FGFR2: variants seen among roughly 807,000 people sequenced by gnomAD.
FGFR2 encodes fibroblast growth factor receptor 2.
FGFR2 carries 19 observed loss-of-function variants against 95.9 expected under a neutral mutation model. The ratio of observed to expected loss-of-function variants is 0.20; its 90% CI spans 0.14 to 0.29. FGFR2 has a LOEUF of 0.29. Among genes scored for constraint, FGFR2 ranks in the 10% least tolerant of loss-of-function variants. The pLI, the probability that FGFR2 is intolerant of heterozygous loss-of-function variation, is 1.00. For synonymous variants in FGFR2, 392 were observed against 393.3 expected (o/e 1.00, Z 0.04); for missense variants, 707 against 1,056.9 (o/e 0.67, Z 4.59).
chr10:121,571,354 A>G (rs760412028), intron 2 of FGFR2, among the ~76,000 whole-genome samples: 1 of 119,506 alleles, frequency 8.4e-6, no homozygotes, highest in Non-Finnish European at 1.6e-5. Context: ...GCTGGAGTGC[A>G]GTGGTGCGAT....
At chr10:121,594,812 G>T (rs1326665033) in intron 1 of FGFR2, among the ~76,000 whole-genome samples, 1 of 152,180 alleles carries the variant, frequency 6.6e-6, no homozygotes, top group East Asian at 1.9e-4. Flanking sequence ...TATTAATAAT[G>T]ATGATGTAAA....
intron 4 of FGFR2, among the ~76,000 whole-genome samples, chr10:121,555,098 G>A (rs1855945284): frequency 6.6e-6 from 1 of 152,196 alleles, no homozygotes; most frequent in South Asian, 2.1e-4. Flanking sequence ...TGCAGGCCAG[G>A]CGCGGTGGCT....
In FGFR2 at chr10:121,479,908, G is replaced by GT; in HGVS notation, c.2414dup (p.Tyr805Ter). Residue 805 changes from tyrosine to a stop codon, truncating the protein, a stop_gained and frameshift_variant, in exon 18 of 18, where the codon TAC becomes TAAC. Transcript: ENST00000358487. LOFTEE classifies it high-confidence loss of function. ...DSVFSPDPMP[Y>*]EPCLPQYPHI... ...GTGGATACTGAGGAAGGCATGGTTC[G>GT]TAAGGCATGGGGTCTGGAGAAAAAA... The GT allele has an allele frequency of 6.2e-7, 1 of 1,614,106 alleles. No individual in the cohort carries two copies. Among genetic ancestry groups the GT allele is most frequent in the Non-Finnish European group, 8.5e-7 (1 of 1,180,010 alleles).
chr10:121,524,012 A>G (rs1388370032), intron 6 of FGFR2, among the ~76,000 whole-genome samples: 1 of 151,940 alleles, frequency 6.6e-6, no homozygotes. Context: ...GGCAGGGCCC[A>G]CTACAGAGCT....
At chr10:121,498,951 T>C (rs558501237) in intron 11 of FGFR2, among the ~76,000 whole-genome samples, 1 of 152,298 alleles carries the variant, frequency 6.6e-6, no homozygotes, top group Non-Finnish European at 1.5e-5. Context: ...TCATGGTGCC[T>C]GAAACCAGCG....
chr10:121,529,374 T>C (rs1252474765), intron 6 of FGFR2, among the ~76,000 whole-genome samples: 3 of 152,228 alleles, frequency 2.0e-5, no homozygotes, highest in Admixed American at 2.0e-4. Context: ...CCTCTCAAAG[T>C]ACTGGGATTT....
At chr10:121,597,271 T>A (rs1350386076) in intron 1 of FGFR2, among the ~76,000 whole-genome samples, 1 of 152,148 alleles carries the variant, frequency 6.6e-6, no homozygotes, top group Non-Finnish European at 1.5e-5. Context: ...GCGCGCAAGT[T>A]AGAACTCGCC....
chr10:121,491,125 T>C (rs1013867402), intron 13 of FGFR2, among the ~76,000 whole-genome samples: 9 of 152,164 alleles, frequency 5.9e-5, no homozygotes, highest in East Asian at 1.9e-4. Context: ...GGGCTCCAAC[T>C]ATGCATTAGG....
At chr10:121,527,139 C>G (rs1851487565) in intron 6 of FGFR2, among the ~76,000 whole-genome samples, 1 of 152,190 alleles carries the variant, frequency 6.6e-6, no homozygotes, top group Admixed American at 6.5e-5. Context: ...CTGGGAAGAC[C>G]AAAGCAGGTG....
chr10:121,498,189 A>G (rs1196238775), intron 12 of FGFR2, among the ~76,000 whole-genome samples: 1 of 152,172 alleles, frequency 6.6e-6, no homozygotes, highest in South Asian at 2.1e-4. Flanking sequence ...AGCACTTACA[A>G]AACAAAAACA....
chr10:121,549,275 C>T (rs1855021612), intron 5 of FGFR2, among the ~76,000 whole-genome samples: 1 of 152,124 alleles, frequency 6.6e-6, no homozygotes, highest in Non-Finnish European at 1.5e-5. Flanking sequence ...AAAAGGGTTG[C>T]AGGGCATTTT....
intron 6 of FGFR2, among the ~76,000 whole-genome samples, chr10:121,536,249 C>A (rs937295891): frequency 2.0e-5 from 3 of 152,204 alleles, no homozygotes; most frequent in Non-Finnish European, 4.4e-5. Flanking sequence ...AAAGCAATTA[C>A]TAGGGTTTTG....
intron 4 of FGFR2, among the ~76,000 whole-genome samples, chr10:121,553,950 G>A (rs1855749865): frequency 6.6e-6 from 1 of 152,240 alleles, no homozygotes; most frequent in African/African-American, 2.4e-5. Flanking sequence ...TGTGGCAACA[G>A]CCCATGGGCA....
At chr10:121,503,056 C>T (rs898510149) in intron 10 of FGFR2, among the ~76,000 whole-genome samples, 1 of 152,224 alleles carries the variant, frequency 6.6e-6, no homozygotes, top group Non-Finnish European at 1.5e-5. Flanking sequence ...TGAACCACCA[C>T]CCTCATTTTA....
intron 4 of FGFR2, among the ~76,000 whole-genome samples, chr10:121,551,753 G>GTT (rs1855448492): frequency 6.6e-6 from 1 of 151,784 alleles, no homozygotes; most frequent in African/African-American, 2.4e-5. Context: ...GCCAAATCAT[G>GTT]TTTTAAAATG....
At position 121,505,738 on chromosome 10, in the gene FGFR2, G is replaced by A. The variant is rs149174585; in HGVS notation, c.1288-1797C>T. 3.3e-5 allele frequency among the ~76,000 whole-genome samples: 5 copies of A among 152,268 alleles called. No individual in the cohort carries two copies. The South Asian group carries it at 6.2e-4, about 19-fold the overall frequency. On this transcript the variant is annotated intron_variant, in intron 9 of 17. Transcript: ENST00000358487. Reference sequence around the variant, plus strand: ...ACTGTAGTGAGCTAACCTCGTCTGCGGGACACATCAGAAGCCAGGAACTTT... The same window carrying A: ...ACTGTAGTGAGCTAACCTCGTCTGCAGGACACATCAGAAGCCAGGAACTTT...
At chr10:121,552,511 T>C (rs1855549237) in intron 4 of FGFR2, among the ~76,000 whole-genome samples, 2 of 152,228 alleles carry the variant, frequency 1.3e-5, no homozygotes, top group African/African-American at 2.4e-5. Context: ...CCACAAAGCT[T>C]GGAAGAGGTG....
At chr10:121,532,391 G>A (rs1195781213) in intron 6 of FGFR2, among the ~76,000 whole-genome samples, 1 of 152,162 alleles carries the variant, frequency 6.6e-6, no homozygotes, top group Non-Finnish European at 1.5e-5. Context: ...CCATCCAGAA[G>A]CCACAGTGTG....
intron 2 of FGFR2, among the ~76,000 whole-genome samples, chr10:121,585,393 T>C (rs1191674291): frequency 6.6e-6 from 1 of 152,170 alleles, no homozygotes; most frequent in Non-Finnish European, 1.5e-5. Flanking sequence ...TATTGTAGAG[T>C]AAACATCTTG....
Sources: gnomAD v4.1 joint callset for allele counts (sites outside exome capture counted in the v4.1 genomes callset) on GRCh38, gnomAD v4.1.1 for gene constraint, MANE v1.5 for transcripts, NCBI Gene and HGNC (gene_info 2026-07-23, HGNC 2026-07-21) for gene names.